The following RBFOX1 variants were observed in gnomAD, a reference collection of about 807,000 sequenced individuals.
The protein encoded by RBFOX1 is RNA binding protein fox-1 homolog 1.
RBFOX1 carries 8 observed loss-of-function variants against 57.7 expected under a neutral mutation model. The observed-to-expected ratio is 0.14, with a 90% confidence interval of 0.08 to 0.25. RBFOX1 has a LOEUF of 0.25. Among genes scored for constraint, RBFOX1 ranks in the 10% least tolerant of loss-of-function variants. The probability of loss-of-function intolerance (pLI) is 1.00; values close to 1 mark genes in which losing one functional copy is unlikely to be tolerated. For synonymous variants in RBFOX1, 326 were observed against 222.4 expected (o/e 1.47, Z -4.15); for missense variants, 611 against 548.5 (o/e 1.11, Z -1.14).
At chr16:7,216,066 G>C (rs940806364) in intron 4 of RBFOX1, among the ~76,000 whole-genome samples, 1 of 152,062 alleles carries the variant, frequency 6.6e-6, no homozygotes, top group African/African-American at 2.4e-5. Flanking sequence ...TTGTTCTTTT[G>C]TATTTGCCTT....
intron 4 of RBFOX1, among the ~76,000 whole-genome samples, chr16:5,909,615 C>A (rs556277913): frequency 2.0e-5 from 3 of 152,240 alleles, no homozygotes; most frequent in East Asian, 3.9e-4. Context: ...CACTGGAGAG[C>A]CTAACTCTGT....
chr16:5,775,391 G>C (rs929308240), intron 3 of RBFOX1, among the ~76,000 whole-genome samples: 1 of 152,206 alleles, frequency 6.6e-6, no homozygotes. Flanking sequence ...TGGAACAGAG[G>C]GGGTCACTGC....
chr16:5,331,107 C>T (rs889498830), intron 1 of RBFOX1, among the ~76,000 whole-genome samples: 1 of 152,164 alleles, frequency 6.6e-6, no homozygotes, highest in African/African-American at 2.4e-5. Flanking sequence ...GGAGGTAAAC[C>T]CACACATTAC....
chr16:6,821,119 A>G (rs930713306), intron 3 of RBFOX1, among the ~76,000 whole-genome samples: 4 of 152,226 alleles, frequency 2.6e-5, no homozygotes, highest in African/African-American at 9.6e-5. Context: ...ATTAAAAAAC[A>G]ATAGTGATGA....
chr16:5,731,255 C>T (rs1181928274), intron 3 of RBFOX1, among the ~76,000 whole-genome samples: 1 of 152,106 alleles, frequency 6.6e-6, no homozygotes, highest in African/African-American at 2.4e-5. Context: ...ATGTCTCCAC[C>T]AGCACGATAA....
chr16:6,141,685 A>G (rs1477067167), intron 1 of RBFOX1, among the ~76,000 whole-genome samples: 13 of 151,960 alleles, frequency 8.6e-5, no homozygotes, highest in Non-Finnish European at 2.9e-5. Flanking sequence ...TAATTCTCTT[A>G]CTGTAATATT....
intron 1 of RBFOX1, among the ~76,000 whole-genome samples, chr16:6,214,822 AGG>A: frequency 2.0e-5 from 1 of 49,298 alleles, no homozygotes; most frequent in East Asian, 7.4e-4. Flanking sequence ...AGAGGGGGAG[AGG>A]GGGAGAGGGG....
intron 4 of RBFOX1, among the ~76,000 whole-genome samples, chr16:5,935,895 A>C (rs548197172): frequency 3.2e-4 from 48 of 152,138 alleles, no homozygotes; most frequent in African/African-American, 1.2e-3. Context: ...ACAGAGGTAT[A>C]ATGGCTACAG....
intron 2 of RBFOX1, among the ~76,000 whole-genome samples, chr16:5,543,023 G>A (rs1442611859): frequency 4.6e-5 from 7 of 152,196 alleles, no homozygotes; most frequent in Admixed American, 1.3e-4. Context: ...TAATCAGAAG[G>A]CTCTTGCCTC....
intron 1 of RBFOX1, among the ~76,000 whole-genome samples, chr16:5,325,092 T>A (rs1431280366): frequency 6.6e-6 from 1 of 152,174 alleles, no homozygotes; most frequent in Non-Finnish European, 1.5e-5. Context: ...AGTACCTGCA[T>A]TGGAACAGGT....
intron 2 of RBFOX1, among the ~76,000 whole-genome samples, chr16:6,579,165 C>T (rs535696122): frequency 6.6e-6 from 1 of 152,100 alleles, no homozygotes; most frequent in African/African-American, 2.4e-5. Flanking sequence ...CCAAGCTGTT[C>T]ATGCTTAGTT....
At chr16:6,084,699 G>A (rs1396282457) in intron 1 of RBFOX1, among the ~76,000 whole-genome samples, 1 of 152,108 alleles carries the variant, frequency 6.6e-6, no homozygotes, top group South Asian at 2.1e-4. Context: ...GGATTCCTTG[G>A]TTAGGAGATA....
intron 4 of RBFOX1, among the ~76,000 whole-genome samples, chr16:7,160,915 C>T (rs1017590681): frequency 3.6e-4 from 54 of 151,948 alleles, no homozygotes; most frequent in Admixed American, 1.3e-4. Flanking sequence ...TTCTTCAGCC[C>T]GTCTTTTACT....
chr16:5,425,679 G>A (rs2067537602), intron 1 of RBFOX1, among the ~76,000 whole-genome samples: 1 of 152,190 alleles, frequency 6.6e-6, no homozygotes, highest in African/African-American at 2.4e-5. Context: ...GAGAAGAAGG[G>A]GTGGTGCAGG....
chr16:7,512,492 C>G (rs578035446), intron 4 of RBFOX1, among the ~76,000 whole-genome samples: 95 of 152,320 alleles, frequency 6.2e-4, no homozygotes, highest in African/African-American at 1.8e-3. Flanking sequence ...ATTAGGGTCT[C>G]TCTGGAACGG....
chr16:7,639,820 T>C (rs1414711822), intron 11 of RBFOX1, among the ~76,000 whole-genome samples: 1 of 152,134 alleles, frequency 6.6e-6, no homozygotes, highest in Admixed American at 6.5e-5. Context: ...TGGATTGAGG[T>C]GTTTTCAGAC....
intron 4 of RBFOX1, among the ~76,000 whole-genome samples, chr16:7,450,802 A>T (rs965770185): frequency 6.6e-6 from 1 of 152,100 alleles, no homozygotes; most frequent in Non-Finnish European, 1.5e-5. Context: ...AAGAGGCTCA[A>T]TGACAGCAGG....
intron 3 of RBFOX1, among the ~76,000 whole-genome samples, chr16:6,776,479 A>G (rs539062997): frequency 4.0e-4 from 61 of 152,268 alleles, no homozygotes; most frequent in Middle Eastern, 3.4e-3. Context: ...ACACAGTGCA[A>G]TTCTTTAAAG....
intron 4 of RBFOX1, among the ~76,000 whole-genome samples, chr16:7,472,056 G>A (rs2061655459): frequency 6.6e-6 from 1 of 152,142 alleles, no homozygotes; most frequent in South Asian, 2.1e-4. Flanking sequence ...CAATTTAGCT[G>A]CTATGCCTGG....
Sources: gnomAD v4.1 joint callset for allele counts (sites outside exome capture counted in the v4.1 genomes callset) on GRCh38, gnomAD v4.1.1 for gene constraint, MANE v1.5 for transcripts, NCBI Gene and HGNC (gene_info 2026-07-23, HGNC 2026-07-21) for gene names.